The following MAPK10 variants were observed in gnomAD, a reference collection of about 807,000 sequenced individuals.
MAPK10 encodes JNK3 alpha protein kinase.
In MAPK10, 25 loss-of-function variants were observed where a neutral mutation model predicts 59.3. The ratio of observed to expected loss-of-function variants is 0.42; its 90% CI spans 0.31 to 0.59. The LOEUF (loss-of-function observed/expected upper bound fraction) is 0.59, where lower values mean the gene tolerates loss of function less well. Among genes scored for constraint, MAPK10 ranks in the 20% least tolerant of loss-of-function variants. The pLI is 0.15. For synonymous variants in MAPK10, 190 were observed against 200.5 expected, an observed-to-expected ratio of 0.95 and a Z score of 0.44; for missense variants, 351 against 568.9, an observed-to-expected ratio of 0.62 and a Z score of 3.90.
intron 9 of MAPK10, among the ~76,000 whole-genome samples, chr4:86,077,820 C>T (rs894022630): frequency 4.6e-5 from 7 of 152,092 alleles, no homozygotes; most frequent in African/African-American, 1.7e-4. Flanking sequence ...CCAGGAGAGG[C>T]TTTTATCATG....
chr4:86,199,488 G>T (rs1273865319), intron 2 of MAPK10, among the ~76,000 whole-genome samples: 1 of 151,734 alleles, frequency 6.6e-6, no homozygotes, highest in Non-Finnish European at 1.5e-5. Context: ...TAAGAATATT[G>T]CTTTAGTATG....
At position 86,017,167 on chromosome 4, in the gene MAPK10, G is replaced by T; in HGVS notation, c.*61C>A. 3.8e-6 allele frequency: 6 copies of T among 1,558,510 alleles called. No individual in the cohort carries two copies. Among genetic ancestry groups the T allele is most frequent in the Non-Finnish European group, 5.3e-6 (6 of 1,139,154 alleles). On this transcript the variant is annotated 3_prime_UTR_variant, in exon 14 of 14. Coordinates refer to ENST00000641462, the MANE Select transcript of MAPK10 (RefSeq NM_138982.4). This position sits in a 1 kb window ranked among gnomAD's most constrained non-coding sequence, Gnocchi z 4.4. ...TTTGTGTGTGTGTGTGTGTCTGCGT[G>T]TGTGTGTGTTCCATCACATCATCTC...
chr4:86,459,782 G>A (rs530118055), intron 1 of MAPK10, among the ~76,000 whole-genome samples: 2 of 152,224 alleles, frequency 1.3e-5, no homozygotes, highest in Middle Eastern at 6.8e-3. Flanking sequence ...TGGGAAGGGG[G>A]TGAGGGATAA....
At chr4:86,261,365 T>C (rs2093973168) in intron 2 of MAPK10, among the ~76,000 whole-genome samples, 1 of 152,222 alleles carries the variant, frequency 6.6e-6, no homozygotes, top group African/African-American at 2.4e-5. Flanking sequence ...TCTGTAGATA[T>C]GCCAAACCCT....
chr4:86,322,404 A>T (rs1004771421), intron 2 of MAPK10, among the ~76,000 whole-genome samples: 7 of 152,232 alleles, frequency 4.6e-5, no homozygotes, highest in African/African-American at 1.7e-4. Flanking sequence ...AGCAGCAGAA[A>T]AAAAGGAGAT....
rs555603132 is a variant in MAPK10, at chr4:86,517,552, G to A, written c.-263+76358C>T. Reference sequence around the variant, plus strand: ...GGCCTCCCAAAGTGCTGGGATTACAGGCATGAGCTACCGCACCCGGCCTAT... The same window carrying A: ...GGCCTCCCAAAGTGCTGGGATTACAAGCATGAGCTACCGCACCCGGCCTAT... On this transcript the variant is annotated intron_variant, in intron 1 of 4. Coordinates refer to the MAPK10 transcript ENST00000502302. 5.3e-5 allele frequency among the ~76,000 whole-genome samples: 8 copies of A among 152,224 alleles called. No individual in the cohort carries two copies. The South Asian group carries it at 1.7e-3, about 32-fold the overall frequency.
chr4:86,470,678 C>T (rs1349189642), intron 1 of MAPK10, among the ~76,000 whole-genome samples: 1 of 151,898 alleles, frequency 6.6e-6, no homozygotes, highest in Non-Finnish European at 1.5e-5. Context: ...TCTTTATTCT[C>T]CCTTTGCAGC....
chr4:86,041,875 A>T (rs1399154160), intron 11 of MAPK10, among the ~76,000 whole-genome samples: 4 of 152,250 alleles, frequency 2.6e-5, no homozygotes, highest in Admixed American at 6.5e-5. Flanking sequence ...CTGGGAGTGT[A>T]AATTAGTTCA....
At chr4:86,215,022 C>A (rs1305964007) in intron 2 of MAPK10, among the ~76,000 whole-genome samples, 2 of 152,084 alleles carry the variant, frequency 1.3e-5, no homozygotes, top group African/African-American at 4.8e-5. Flanking sequence ...TACTACAAAG[C>A]TACAATAATC....
chr4:86,228,205 T>C (rs1294988249), intron 2 of MAPK10, among the ~76,000 whole-genome samples: 1 of 152,190 alleles, frequency 6.6e-6, no homozygotes, highest in Non-Finnish European at 1.5e-5. Context: ...TAGGTTGATG[T>C]GTAAGAGAGT....
At chr4:86,068,909 G>T (rs755672645) in intron 9 of MAPK10, among the ~76,000 whole-genome samples, 3 of 151,966 alleles carry the variant, frequency 2.0e-5, no homozygotes, top group Non-Finnish European at 4.4e-5. Context: ...AGATTTCCTC[G>T]CCATGTGCCA....
chr4:86,077,854 C>A (rs1021262767), intron 9 of MAPK10, among the ~76,000 whole-genome samples: 1 of 152,156 alleles, frequency 6.6e-6, no homozygotes, highest in South Asian at 2.1e-4. Context: ...TGTTTAGGCA[C>A]AATGTTGAGT....
chr4:86,103,119 T>TGTGTGTGTGTG (rs2055849579), intron 6 of MAPK10, 67 bp downstream of exon 6: 1 of 601,776 alleles, frequency 1.7e-6, no homozygotes, highest in Non-Finnish European at 2.8e-6. Context: ...GTGTGTGTGG[T>TGTGTGTGTGTG]GTGTGATTTT....
chr4:86,487,445 C>T (rs1754091123), intron 1 of MAPK10, among the ~76,000 whole-genome samples: 2 of 151,430 alleles, frequency 1.3e-5, no homozygotes, highest in Admixed American at 1.3e-4. Flanking sequence ...ATTGTTAAAT[C>T]TGGGCCGGGT....
chr4:86,295,836 T>C (rs1473717143), intron 2 of MAPK10, among the ~76,000 whole-genome samples: 2 of 148,872 alleles, frequency 1.3e-5, no homozygotes, highest in Non-Finnish European at 3.0e-5. Context: ...AAGGGCTATT[T>C]TTTTCCCTAC....
At chr4:86,461,524 A>G (rs920228657) in intron 1 of MAPK10, among the ~76,000 whole-genome samples, 2 of 152,166 alleles carry the variant, frequency 1.3e-5, no homozygotes, top group South Asian at 2.1e-4. Flanking sequence ...AGCAATCCCC[A>G]TGGTGAGTAA....
chr4:86,484,681 C>T (rs1355168272), intron 1 of MAPK10, among the ~76,000 whole-genome samples: 1 of 152,134 alleles, frequency 6.6e-6, no homozygotes, highest in Non-Finnish European at 1.5e-5. Flanking sequence ...ACATTTTTGA[C>T]ATCTATCTAA....
At chr4:86,058,013 T>TA (rs898124697) in intron 11 of MAPK10, among the ~76,000 whole-genome samples, 7 of 149,724 alleles carry the variant, frequency 4.7e-5, no homozygotes, top group Non-Finnish European at 1.0e-4. Context: ...CATCAACACA[T>TA]AAAAGGAAGG....
chr4:86,203,366 C>G (rs2083077278), intron 2 of MAPK10, among the ~76,000 whole-genome samples: 1 of 151,796 alleles, frequency 6.6e-6, no homozygotes. Flanking sequence ...GTTTTCACAG[C>G]TTAGATCAAT....
Sources: gnomAD v4.1 joint callset for allele counts (sites outside exome capture counted in the v4.1 genomes callset) on GRCh38, gnomAD v4.1.1 for gene constraint, Gnocchi (gnomAD v3.1) non-coding constraint, MANE v1.5 for transcripts, NCBI Gene and HGNC (gene_info 2026-07-23, HGNC 2026-07-21) for gene names.